EPHA6: variants seen among roughly 807,000 people sequenced by gnomAD.
EPHA6 encodes EPH receptor A6, also known as ephrin type-A receptor 6.
A neutral mutation model predicts 112.0 loss-of-function variants in EPHA6; 50 were observed. The ratio of observed to expected loss-of-function variants is 0.45; its 90% confidence interval spans 0.36 to 0.56. EPHA6 has a LOEUF of 0.56. Ranked by LOEUF, EPHA6 falls within the 20% of genes least tolerant of loss-of-function variation. EPHA6 has a pLI of 0.00. For synonymous variants in EPHA6, 529 were observed against 490.7 expected (o/e 1.08, Z -1.03); for missense variants, 1,280 against 1,417.4 (o/e 0.90, Z 1.56).
chr3:97,366,389 A>G (rs2084733449), intron 5 of EPHA6, among the ~76,000 whole-genome samples: 1 of 151,418 alleles, frequency 6.6e-6, no homozygotes, highest in African/African-American at 2.5e-5. Context: ...AAGTCAATCC[A>G]GAAGGCAACG....
chr3:97,460,411 A>G (rs907949032), intron 7 of EPHA6, among the ~76,000 whole-genome samples: 3 of 152,182 alleles, frequency 2.0e-5, no homozygotes, highest in African/African-American at 4.8e-5. Flanking sequence ...TATTCTTGAG[A>G]TCCCATTCTG....
intron 7 of EPHA6, among the ~76,000 whole-genome samples, chr3:97,458,821 C>G (rs1328370921): frequency 6.6e-6 from 1 of 152,072 alleles, no homozygotes; most frequent in Non-Finnish European, 1.5e-5. Context: ...TGTTCATTCA[C>G]CCATTTACTC....
intron 16 of EPHA6, among the ~76,000 whole-genome samples, chr3:97,746,270 T>G (rs1001841901): frequency 6.6e-6 from 1 of 151,864 alleles, no homozygotes; most frequent in Non-Finnish European, 1.5e-5. Flanking sequence ...CACTAAATTT[T>G]TTTTAAAGAT....
In EPHA6 at chr3:97,100,363, C is replaced by G. The variant is rs184518657; in HGVS notation, c.1114+112370C>G. Among the ~76,000 whole-genome samples the G allele has an allele frequency of 1.5e-3, 231 of 151,572 alleles. 1 individual carries two copies. The highest frequency in any genetic ancestry group is 1.9e-4 in the Non-Finnish European group (13 of 67,792). ...ATACTATATATTTCTTTCTGATTAT[C>G]AGGCAGACAAATTAACAAAGAGACA... On this transcript the variant is annotated intron_variant, in intron 3 of 17. Transcript: ENST00000389672.
intron 14 of EPHA6, among the ~76,000 whole-genome samples, chr3:97,658,446 C>T (rs2107625727): frequency 6.6e-6 from 1 of 151,940 alleles, no homozygotes; most frequent in South Asian, 2.1e-4. Flanking sequence ...AGAACATAGA[C>T]AACTTTTCTT....
chr3:97,640,480 T>C lies in EPHA6; in HGVS notation c.2784+2398T>C, dbSNP rs144298254. Reference sequence around the variant, plus strand: ...TAGACGCATGTCTTAGAAGATATTATTGGGGCCGGGCACGGTGGCTCGCGC... The same window carrying C: ...TAGACGCATGTCTTAGAAGATATTACTGGGGCCGGGCACGGTGGCTCGCGC... On this transcript the variant is annotated intron_variant, in intron 14 of 17. Transcript: ENST00000389672. Among the ~76,000 whole-genome samples, 1,155 of 152,174 alleles carry C rather than the reference T, an allele frequency of 7.6e-3. 17 individuals carry two copies. The highest frequency in any genetic ancestry group is 0.026 in the African/African-American group (1,065 of 41,522).
At chr3:97,096,244 T>TATAC (rs1553702966) in intron 3 of EPHA6, among the ~76,000 whole-genome samples, 19 of 149,742 alleles carry the variant, frequency 1.3e-4, no homozygotes, top group Middle Eastern at 3.4e-3. Flanking sequence ...TATATATATA[T>TATAC]ACACACACAC....
At chr3:96,944,178 C>G (rs928168177) in intron 2 of EPHA6, among the ~76,000 whole-genome samples, 1 of 152,180 alleles carries the variant, frequency 6.6e-6, no homozygotes, top group African/African-American at 2.4e-5. Flanking sequence ...TCCACCAAAA[C>G]AACTCAACTC....
intron 2 of EPHA6, among the ~76,000 whole-genome samples, chr3:96,978,031 A>G (rs1190374784): frequency 6.6e-6 from 1 of 152,058 alleles, no homozygotes; most frequent in East Asian, 1.9e-4. Context: ...ATGGTGGTGC[A>G]TGCCTGTAGT....
chr3:97,585,825 A>G (rs1350343528), intron 11 of EPHA6, among the ~76,000 whole-genome samples: 3 of 152,230 alleles, frequency 2.0e-5, no homozygotes, highest in African/African-American at 4.8e-5. Flanking sequence ...TAATATTGTC[A>G]TATCAAAAAT....
intron 5 of EPHA6, among the ~76,000 whole-genome samples, chr3:97,258,508 GATT>G (rs1407554939): frequency 6.6e-6 from 1 of 152,068 alleles, no homozygotes; most frequent in Non-Finnish European, 1.5e-5. Flanking sequence ...ATATAGGAAA[GATT>G]ATTGTTTATT....
At chr3:97,051,645 C>T (rs139753153) in intron 3 of EPHA6, among the ~76,000 whole-genome samples, 1 of 152,012 alleles carries the variant, frequency 6.6e-6, no homozygotes, top group Non-Finnish European at 1.5e-5. Context: ...TAGATATGTA[C>T]CCCCAAAGTT....
intron 11 of EPHA6, among the ~76,000 whole-genome samples, chr3:97,548,614 C>G (rs1220070037): frequency 1.3e-5 from 2 of 152,140 alleles, no homozygotes; most frequent in Non-Finnish European, 2.9e-5. Flanking sequence ...TCAGATTGTT[C>G]TATACATAGA....
chr3:96,816,489 A>G (rs1309544787), intron 1 of EPHA6, among the ~76,000 whole-genome samples: 1 of 152,168 alleles, frequency 6.6e-6, no homozygotes, highest in African/African-American at 2.4e-5. Context: ...AGATTGTTAA[A>G]AAACGTGTAA....
intron 4 of EPHA6, 74 bp downstream of exon 4, chr3:97,226,493 T>C: frequency 7.4e-7 from 1 of 1,347,656 alleles, no homozygotes; most frequent in South Asian, 1.5e-5. Flanking sequence ...ATTTAAAAAA[T>C]AAGTAAATGT....
chr3:97,630,475 G>T (rs561604754), intron 13 of EPHA6, among the ~76,000 whole-genome samples: 1 of 152,024 alleles, frequency 6.6e-6, no homozygotes, highest in South Asian at 2.1e-4. Flanking sequence ...AAAAGTCATA[G>T]TGTAGTCACC....
chr3:96,899,494 A>G (rs1043931528), intron 2 of EPHA6, among the ~76,000 whole-genome samples: 13 of 152,190 alleles, frequency 8.5e-5, no homozygotes, highest in Non-Finnish European at 1.6e-4. Flanking sequence ...TTTTGATTTA[A>G]AGCAGAGCCA....
intron 7 of EPHA6, among the ~76,000 whole-genome samples, chr3:97,469,245 GT>G: frequency 6.6e-6 from 1 of 151,778 alleles, no homozygotes; most frequent in African/African-American, 2.4e-5. Flanking sequence ...CAGATTTTCA[GT>G]TTTTCCACCT....
chr3:96,938,061 T>C lies in EPHA6; in HGVS notation c.451-49269T>C, dbSNP rs561926362. On this transcript the variant is annotated intron_variant, in intron 2 of 17. Transcript: ENST00000389672. ...TAGTGTGATGCCTCCAGCTTTGTTC[T>C]TTTGGCTTAGGATTGACTTGGTGAT... Among the ~76,000 whole-genome samples the C allele has an allele frequency of 4.6e-5, 7 of 152,058 alleles. No individual in the cohort carries two copies. In the East Asian group the frequency reaches 1.4e-3, roughly 29 times the overall value.
Sources: gnomAD v4.1 joint callset for allele counts (sites outside exome capture counted in the v4.1 genomes callset) on GRCh38, gnomAD v4.1.1 for gene constraint, MANE v1.5 for transcripts, NCBI Gene and HGNC (gene_info 2026-07-23, HGNC 2026-07-21) for gene names.